The following ZNF71 variants were observed in gnomAD, a reference collection of about 807,000 sequenced individuals.
ZNF71 encodes the protein endothelial zinc finger protein induced by tumor necrosis factor alpha.
Under a neutral mutation model 6.7 loss-of-function variants are expected in ZNF71, and 3 were observed. The observed-to-expected ratio is 0.45, with a 90% CI of 0.20 to 1.16. The LOEUF (loss-of-function observed/expected upper bound fraction) is 1.16. ZNF71 is among the 50% of genes most tolerant of loss of function. ZNF71 has a pLI of 0.25. For synonymous variants in ZNF71, 343 were observed against 311.1 expected, an observed-to-expected ratio of 1.10 and a Z score of -1.08; for missense variants, 688 against 728.6, an observed-to-expected ratio of 0.94 and a Z score of 0.64.
intron 1 of ZNF71, among the ~76,000 whole-genome samples, chr19:56,600,202 T>TAA (rs1438628165): frequency 1.5e-3 from 55 of 37,384 alleles, no homozygotes; most frequent in Admixed American, 1.8e-3. Context: ...TTTTTTTTTT[T>TAA]TTTTTTGAGA....
rs1257496701 is a variant in ZNF71 at position 56,598,153 on chromosome 19, TAG to T, written c.-53+2728_-53+2729del. ...AATAGTGGTTTGTACTGCAAGAAAATAGAGGGGGAGAGAGTTGCTGCTTGAGG... is the reference window on the plus strand; with the variant it reads ...AATAGTGGTTTGTACTGCAAGAAAATAGGGGGAGAGAGTTGCTGCTTGAGG... On this transcript the variant is annotated intron_variant, in intron 1 of 3. Transcript: ENST00000599599. This position sits in a 1 kb window ranked among gnomAD's most constrained non-coding sequence, Gnocchi z 4.2. Among the ~76,000 whole-genome samples, 2 of 151,714 alleles carry T rather than the reference TAG, an allele frequency of 1.3e-5. No individual in the cohort carries two copies. Among genetic ancestry groups the T allele is most frequent in the Non-Finnish European group, 2.9e-5 (2 of 67,958 alleles).
rs765397884 is a variant in ZNF71 at position 56,622,651 on chromosome 19, T to C, written c.1544T>C (p.Val515Ala). The change falls in exon 4 of 4, where the codon GTG (valine) becomes GCG (alanine). Residue 515 changes from valine to alanine, a missense_variant. Physicochemically the swap from Val to Ala is moderately conservative, Grantham distance 64 (BLOSUM62 0). Coordinates refer to ENST00000599599, the MANE Select transcript of ZNF71 (RefSeq NM_001370215.1). ...TTCATCAAGAACTCCTCCCTCACTG[T>C]GCACCAGCGGATCCACACGGGCGAG... ...KSFIKNSSLT[V>A]HQRIHTGEKP... 23 of 1,612,916 alleles carry C rather than the reference T, an allele frequency of 1.4e-5. No individual in the cohort carries two copies. The Admixed American group carries it at 3.7e-4, about 26-fold the overall frequency.
At chr19:56,602,045 T>A (rs1004641756) in intron 2 of ZNF71, among the ~76,000 whole-genome samples, 1 of 152,220 alleles carries the variant, frequency 6.6e-6, no homozygotes, top group African/African-American at 2.4e-5. Flanking sequence ...CTGGAATGTT[T>A]GAGTCTGGCT....
chr19:56,614,112 C>T (rs1385317423), intron 3 of ZNF71, among the ~76,000 whole-genome samples, 174 bp downstream of exon 3: 3 of 152,066 alleles, frequency 2.0e-5, no homozygotes, highest in Admixed American at 1.3e-4. Flanking sequence ...ATATTTCTCA[C>T]GTGTTTTACA....
chr19:56,609,122 A>C (rs1748668258), intron 2 of ZNF71, among the ~76,000 whole-genome samples: 1 of 152,204 alleles, frequency 6.6e-6, no homozygotes, highest in African/African-American at 2.4e-5. Flanking sequence ...AAACACATAA[A>C]ATGTGTAATA....
chr19:56,617,107 C>CTTTTTTTTTTTTTTTTT (rs200131241), intron 3 of ZNF71, among the ~76,000 whole-genome samples: 1 of 117,092 alleles, frequency 8.5e-6, no homozygotes, highest in Non-Finnish European at 1.7e-5. Context: ...CTTCCATTTT[C>CTTTTTTTTTTTTTTTTT]TTTTGTTTTT....
In ZNF71 at chr19:56,600,618, T is replaced by C. The variant is rs866923221; in HGVS notation, c.-52-889T>C. Among the ~76,000 whole-genome samples, 4 of 152,286 alleles carry C rather than the reference T, an allele frequency of 2.6e-5. No individual in the cohort carries two copies. The South Asian group carries it at 8.3e-4, about 32-fold the overall frequency. Reference sequence around the variant, plus strand: ...ATCTCCATGAGTTTGTTTTAATTTTTAGCTCACACAAGTGAGAACTTGCAA... The same window carrying C: ...ATCTCCATGAGTTTGTTTTAATTTTCAGCTCACACAAGTGAGAACTTGCAA... On this transcript the variant is annotated intron_variant, in intron 1 of 3. Transcript: ENST00000599599.
chr19:56,615,881 T>G (rs1481197184), intron 3 of ZNF71, among the ~76,000 whole-genome samples: 1 of 152,190 alleles, frequency 6.6e-6, no homozygotes, highest in Non-Finnish European at 1.5e-5. Flanking sequence ...CCATGAAGAT[T>G]TATTCCTGTG....
In ZNF71 at chr19:56,622,079, C is replaced by T. The variant is rs768915565; in HGVS notation, c.972C>T (p.His324=). 1.2e-6 allele frequency: 2 copies of T among 1,612,870 alleles called. No individual in the cohort carries two copies. Among genetic ancestry groups the T allele is most frequent in the Non-Finnish European group, 1.7e-6 (2 of 1,179,116 alleles). The stretch of plus-strand genomic sequence containing the variant: ...ACCTCATCGTGCACCAGCGCACGCA[C>T]ACCGGGGAGAAGCCGTACGTGTGCC... ...NMHLIVHQRT[H]TGEKPYVCPE... The change falls in exon 4 of 4, where the codon CAC becomes CAT. Residue 324 remains histidine, a synonymous_variant. Transcript: ENST00000599599.
At chr19:56,610,633 C>A (rs895558942) in intron 2 of ZNF71, 1 of 152,174 alleles carries the variant, frequency 6.6e-6, no homozygotes, top group South Asian at 2.1e-4. Flanking sequence ...CTGAATTAGT[C>A]TAAAGTGTTC....
At position 56,598,881 on chromosome 19, in the gene ZNF71, G is replaced by T. The variant is rs2148002686; in HGVS notation, c.-52-2626G>T. On this transcript the variant is annotated intron_variant, in intron 1 of 3. Coordinates refer to ENST00000599599, the MANE Select transcript of ZNF71 (RefSeq NM_001370215.1). This position sits in a 1 kb window ranked among gnomAD's most constrained non-coding sequence, Gnocchi z 4.2. ...TTTGGCCTAAGAAAGGCTCTTCTTT[G>T]TCTTAGTGGTTCTTACGCTTTAAGA... Among the ~76,000 whole-genome samples, 1 of 152,300 alleles carries T rather than the reference G, an allele frequency of 6.6e-6. No homozygotes were observed. The highest frequency in any genetic ancestry group is 1.9e-4 in the East Asian group (1 of 5,182).
chr19:56,614,092 A>T, intron 3 of ZNF71, 154 bp downstream of exon 3: 1 of 504,604 alleles, frequency 2.0e-6, no homozygotes, highest in Non-Finnish European at 2.6e-6. Context: ...TCACGATGGT[A>T]TGGGAAATAA....
chr19:56,603,030 T>C lies in ZNF71; in HGVS notation c.33+1439T>C, dbSNP rs78716360. On this transcript the variant is annotated intron_variant, in intron 2 of 3. Transcript: ENST00000599599. This position sits in a 1 kb window ranked among gnomAD's most constrained non-coding sequence, Gnocchi z 4.6. ...TATATAAATGTGTCAGTAGACTTAT[T>C]TGGGAGCTTTGGTTTATTCTGTCTT... is the stretch of plus-strand genomic sequence containing the variant. Among the ~76,000 whole-genome samples, 99 of 152,306 alleles carry C rather than the reference T, an allele frequency of 6.5e-4. No individual in the cohort carries two copies. In the East Asian group the frequency reaches 0.011, roughly 18 times the overall value.
intron 1 of ZNF71, among the ~76,000 whole-genome samples, chr19:56,599,482 A>C (rs907416010): frequency 2.0e-5 from 3 of 152,052 alleles, no homozygotes; most frequent in African/African-American, 7.2e-5. Context: ...TATTATGGTC[A>C]CCCTAACTTT....
At chr19:56,597,625 A>G (rs1056726214) in intron 1 of ZNF71, among the ~76,000 whole-genome samples, 1 of 152,234 alleles carries the variant, frequency 6.6e-6, no homozygotes, top group Non-Finnish European at 1.5e-5. Context: ...CAGATGCAGA[A>G]CTAACTCTGC....
chr19:56,608,916 G>A (rs986869515), intron 2 of ZNF71, among the ~76,000 whole-genome samples: 1 of 152,174 alleles, frequency 6.6e-6, no homozygotes, highest in African/African-American at 2.4e-5. Flanking sequence ...GCATAATCTT[G>A]TAATGAAAAT....
chr19:56,604,541 C>T (rs1022745749), intron 2 of ZNF71, among the ~76,000 whole-genome samples: 1 of 152,188 alleles, frequency 6.6e-6, no homozygotes, highest in African/African-American at 2.4e-5. Flanking sequence ...AACCTTACGA[C>T]CCTGTGGAGG....
At chr19:56,606,942 G>A (rs1037956964) in intron 2 of ZNF71, among the ~76,000 whole-genome samples, 1 of 152,082 alleles carries the variant, frequency 6.6e-6, no homozygotes, top group African/African-American at 2.4e-5. Flanking sequence ...ACTAGTGAAG[G>A]ATTTGAGGCC....
Position 56,621,834 on chromosome 19 carries a change from G to C in ZNF71, c.727G>C (p.Glu243Gln), listed in dbSNP as rs372609144. The change falls in exon 4 of 4, where the codon GAG becomes CAG. Residue 243 changes from glutamate (E) to glutamine (Q), a missense_variant. Transcript: ENST00000599599. ...LTIHQRVHTGEKPYACGDCGK... is the reference protein window; with the variant it reads ...LTIHQRVHTGQKPYACGDCGK... The stretch of plus-strand genomic sequence containing the variant: ...CATCCACCAGCGGGTGCACACGGGC[G>C]AGAAGCCCTATGCCTGCGGGGACTG... The C allele has an allele frequency of 3.7e-6, 6 of 1,612,022 alleles. No homozygotes were observed. The highest frequency in any genetic ancestry group is 1.1e-5 in the South Asian group (1 of 91,064).
Sources: allele counts gnomAD v4.1 joint callset (sites outside exome capture counted in the v4.1 genomes callset), GRCh38; gene constraint gnomAD v4.1.1; non-coding constraint Gnocchi (gnomAD v3.1); transcripts MANE v1.5; gene names NCBI Gene and HGNC (gene_info 2026-07-23, HGNC 2026-07-21).